Variants in PPP1R21 observed in about 807,000 individuals in gnomAD.
PPP1R21 encodes KLRAQ motif containing 1.
Under a neutral mutation model 112.8 loss-of-function variants are expected in PPP1R21, and 85 were observed. That is an observed-to-expected ratio of 0.75 (90% CI 0.63 to 0.90). The LOEUF is 0.90. Among genes scored for constraint, PPP1R21 ranks in the 40% least tolerant of loss-of-function variants. The pLI, the probability that PPP1R21 is intolerant of heterozygous loss-of-function variation, is 0.00. For missense variants in PPP1R21, 1,199 were observed against 901.5 expected, an observed-to-expected ratio of 1.33 and a Z score of -4.23; for synonymous variants, 381 against 322.3, an observed-to-expected ratio of 1.18 and a Z score of -1.95.
chr2:48,502,922 C>T (rs1028900871), intron 17 of PPP1R21, among the ~76,000 whole-genome samples: 1 of 151,918 alleles, frequency 6.6e-6, no homozygotes, highest in Non-Finnish European at 1.5e-5. Context: ...CCTTGTGATC[C>T]GCCCACCTCG....
At chr2:48,488,390 G>A (rs914558365) in intron 14 of PPP1R21, among the ~76,000 whole-genome samples, 1 of 148,592 alleles carries the variant, frequency 6.7e-6, no homozygotes, top group Admixed American at 6.7e-5. Context: ...TTTTTGAGAC[G>A]GAGTCTTGCT....
At chr2:48,472,668 G>A (rs1209212869) in intron 11 of PPP1R21, among the ~76,000 whole-genome samples, 1 of 151,882 alleles carries the variant, frequency 6.6e-6, no homozygotes, top group African/African-American at 2.4e-5. Context: ...CTGAAAATAG[G>A]CCAGGCATGG....
At chr2:48,447,399 C>G (rs193032132) in intron 1 of PPP1R21, among the ~76,000 whole-genome samples, 7 of 152,276 alleles carry the variant, frequency 4.6e-5, no homozygotes, top group African/African-American at 7.2e-5. Flanking sequence ...TACTCTTCCC[C>G]CACTGAATGG....
intron 14 of PPP1R21, among the ~76,000 whole-genome samples, chr2:48,487,371 G>A (rs1377003738): frequency 6.6e-6 from 1 of 152,138 alleles, no homozygotes; most frequent in Admixed American, 6.5e-5. Flanking sequence ...ACTTCAACAT[G>A]TGTCTTTTCG....
chr2:48,486,308 GTTT>G (rs1411436889), intron 13 of PPP1R21, among the ~76,000 whole-genome samples: 2 of 152,036 alleles, frequency 1.3e-5, no homozygotes, highest in African/African-American at 4.8e-5. Context: ...CAAAACAGTG[GTTT>G]TTAACTGGTA....
intron 16 of PPP1R21, among the ~76,000 whole-genome samples, chr2:48,496,629 G>A (rs1163331203): frequency 2.6e-5 from 4 of 152,046 alleles, no homozygotes; most frequent in African/African-American, 7.2e-5. Context: ...CACCATGCCC[G>A]GCTAGTTTTT....
chr2:48,459,083 C>T (rs1362413972), intron 4 of PPP1R21, among the ~76,000 whole-genome samples: 1 of 131,056 alleles, frequency 7.6e-6, no homozygotes, highest in Non-Finnish European at 1.6e-5. Context: ...CAGAGTGAGA[C>T]TCTGTCTCAA....
intron 21 of PPP1R21, among the ~76,000 whole-genome samples, chr2:48,511,671 G>A (rs1436235531): frequency 1.3e-5 from 2 of 150,606 alleles, no homozygotes; most frequent in Non-Finnish European, 3.0e-5. Flanking sequence ...AGAGCAGAGT[G>A]GGCAATATAG....
intron 9 of PPP1R21, 74 bp from the exon 10 acceptor site, chr2:48,471,012 TG>T (rs2103849001): frequency 1.0e-6 from 1 of 988,088 alleles, no homozygotes. Context: ...TATAATTTGG[TG>T]GGTCCATTTA....
intron 1 of PPP1R21, chr2:48,441,326 G>A: frequency 2.3e-6 from 1 of 443,978 alleles, no homozygotes; most frequent in Non-Finnish European, 4.2e-6. Flanking sequence ...GGCTGAGAAG[G>A]GAAGGGAAAG....
Position 48,486,696 on chromosome 2 carries a change from C to T in PPP1R21, c.1384C>T (p.Leu462=). 6.2e-7 allele frequency: 1 copy of T among 1,613,724 alleles called. No individual in the cohort carries two copies. The highest frequency in any genetic ancestry group is 8.5e-7 in the Non-Finnish European group (1 of 1,179,730). ...EHELPTATQK[L]ITTNDCILSS... is the part of the protein sequence containing the mutation. Reference sequence around the variant, plus strand: ...TGAACTTCCAACAGCAACACAGAAGCTGATAACAACTAATGACTGTATCCT... The same window carrying T: ...TGAACTTCCAACAGCAACACAGAAGTTGATAACAACTAATGACTGTATCCT... The change falls in exon 14 of 22, where the codon CTG becomes TTG. Residue 462 remains leucine (L), a synonymous_variant. Transcript: ENST00000294952.
intron 9 of PPP1R21, among the ~76,000 whole-genome samples, chr2:48,469,989 G>C (rs1249852883): frequency 6.6e-6 from 1 of 152,184 alleles, no homozygotes; most frequent in African/African-American, 2.4e-5. Flanking sequence ...TGTCTGTGTA[G>C]TTTGTAGTGG....
intron 2 of PPP1R21, among the ~76,000 whole-genome samples, chr2:48,453,016 C>T (rs1667549444): frequency 6.6e-6 from 1 of 150,388 alleles, no homozygotes; most frequent in South Asian, 2.1e-4. Flanking sequence ...TGCAGTGGCA[C>T]AATCTCGGCT....
At chr2:48,500,669 G>C (rs1241369199) in intron 17 of PPP1R21, among the ~76,000 whole-genome samples, 1 of 152,186 alleles carries the variant, frequency 6.6e-6, no homozygotes, top group Non-Finnish European at 1.5e-5. Context: ...CTAGCACTTT[G>C]GAAGGCCGAG....
intron 7 of PPP1R21, 46 bp downstream of exon 7, chr2:48,461,278 T>C (rs1476986287): frequency 6.7e-7 from 1 of 1,484,196 alleles, no homozygotes; most frequent in Non-Finnish European, 8.9e-7. Flanking sequence ...TTTGAATCTC[T>C]CTGTGGTAGC....
chr2:48,455,608 G>A (rs537473217), intron 3 of PPP1R21, among the ~76,000 whole-genome samples: 1 of 152,338 alleles, frequency 6.6e-6, no homozygotes, highest in African/African-American at 2.4e-5. Context: ...AGAAGAGACA[G>A]TGGAATATCT....
chr2:48,491,019 T>C lies in PPP1R21; in HGVS notation c.1448T>C (p.Ile483Thr), dbSNP rs200775619. ...VVALTNGAGK[I>T]ASFFSNNLDY... ...ATTTCCTTGTCATACTTTGTTTAGA[T>C]TGCATCCTTCTTCAGCAACAATTTG... The change falls in exon 15 of 22, where the codon ATT (isoleucine) becomes ACT (threonine). Residue 483 changes from isoleucine to threonine, a missense_variant and splice_region_variant. Ile to Thr is a moderately conservative substitution (Grantham distance 89). Coordinates refer to ENST00000294952, the MANE Select transcript of PPP1R21 (RefSeq NM_001135629.3). 1.4e-5 allele frequency: 22 copies of C among 1,613,618 alleles called. No homozygotes were observed. The highest frequency in any genetic ancestry group is 1.2e-4 in the South Asian group (11 of 91,064).
chr2:48,462,866 A>T (rs1318339799), intron 7 of PPP1R21, among the ~76,000 whole-genome samples: 1 of 152,108 alleles, frequency 6.6e-6, no homozygotes, highest in Non-Finnish European at 1.5e-5. Context: ...TTGGCGTACT[A>T]TTGTGGAGGC....
rs760123766 is a variant in PPP1R21, at chr2:48,490,977, G to T, written c.1447-41G>T. On this transcript the variant is annotated intron_variant, in intron 14 of 21. Transcript: ENST00000294952. Reference sequence around the variant, plus strand: ...ATTAGATATATATTTTAGATATATTGTTGGAAAACAAAATCTATTTCCTTG... The same window carrying T: ...ATTAGATATATATTTTAGATATATTTTTGGAAAACAAAATCTATTTCCTTG... 12 of 1,571,316 alleles carry T rather than the reference G, an allele frequency of 7.6e-6. No homozygotes were observed. In the African/African-American group the frequency reaches 8.1e-5, roughly 11 times the overall value.
Sources: allele counts gnomAD v4.1 joint callset (sites outside exome capture counted in the v4.1 genomes callset), GRCh38; gene constraint gnomAD v4.1.1; transcripts MANE v1.5; gene names NCBI Gene and HGNC (gene_info 2026-07-23, HGNC 2026-07-21).